The following ETHE1 variants were observed in gnomAD, a reference collection of about 807,000 sequenced individuals.
ETHE1 encodes persulfide dioxygenase ETHE1, mitochondrial.
In ETHE1, 16 loss-of-function variants were observed where a neutral mutation model predicts 25.7. That is an observed-to-expected ratio of 0.62 (90% CI 0.42 to 0.95). ETHE1 has a LOEUF of 0.95. ETHE1 is among the 40% of genes least tolerant of loss of function. The probability of loss-of-function intolerance (pLI) is 0.00; values close to 1 mark genes in which losing one functional copy is unlikely to be tolerated. For missense variants in ETHE1, 300 were observed against 333.6 expected (o/e 0.90, Z 0.79); for synonymous variants, 139 against 135.9 (o/e 1.02, Z -0.16).
At chr19:43,518,999 GT>G (rs71169253) in intron 3 of ETHE1, among the ~76,000 whole-genome samples, 650 of 90,666 alleles carry the variant, frequency 7.2e-3, no homozygotes, top group African/African-American at 0.023. Flanking sequence ...ATTTGTGCTT[GT>G]TTTTTTTTTT....
chr19:43,508,940 G>A, intron 4 of ETHE1, 76 bp from the exon 5 acceptor site: 3 of 1,133,370 alleles, frequency 2.6e-6, no homozygotes, highest in South Asian at 1.3e-5. Context: ...GAAAAGGGTA[G>A]GAGGATAAAA....
At chr19:43,520,825 C>T (rs1167198221) in intron 3 of ETHE1, among the ~76,000 whole-genome samples, 1 of 152,082 alleles carries the variant, frequency 6.6e-6, no homozygotes, top group African/African-American at 2.4e-5. Flanking sequence ...CACACTTGAG[C>T]CACATAAGAA....
At chr19:43,523,603 G>A (rs1458777622) in intron 3 of ETHE1, among the ~76,000 whole-genome samples, 1 of 151,920 alleles carries the variant, frequency 6.6e-6, no homozygotes, top group African/African-American at 2.4e-5. Context: ...TAAAGTAGAA[G>A]GAAAAATAAA....
chr19:43,506,870 C>A lies in ETHE1; in HGVS notation c.745G>T (p.Val249Leu), dbSNP rs766509845. 6.2e-7 allele frequency: 1 copy of A among 1,613,752 alleles called. No individual in the cohort carries two copies. The highest frequency in any genetic ancestry group is 8.5e-7 in the Non-Finnish European group (1 of 1,179,912). ...TGAGATCAGGCAGTGGGTGTCTGCA[C>A]CCCACAGCGCATGTTGGCTGGAACA... Reference protein sequence around the residue: ...FAVPANMRCGVQTPTA With the variant: ...FAVPANMRCGLQTPTA Residue 249 changes from valine (V) to leucine (L), a missense_variant, in exon 7 of 7, where the codon GTG becomes TTG. Coordinates refer to ENST00000292147, the MANE Select transcript of ETHE1 (RefSeq NM_014297.5).
At chr19:43,523,217 C>T (rs1972171094) in intron 3 of ETHE1, among the ~76,000 whole-genome samples, 1 of 152,150 alleles carries the variant, frequency 6.6e-6, no homozygotes, top group Non-Finnish European at 1.5e-5. Flanking sequence ...TACTCATACA[C>T]ATGTATAATA....
chr19:43,517,253 GT>G (rs1972038982), intron 3 of ETHE1, among the ~76,000 whole-genome samples: 2 of 149,718 alleles, frequency 1.3e-5, no homozygotes, highest in African/African-American at 4.9e-5. Context: ...ACAAGGCTTT[GT>G]GTTAGATGAG....
intron 3 of ETHE1, among the ~76,000 whole-genome samples, chr19:43,523,942 A>G (rs1460178463): frequency 6.6e-6 from 1 of 152,082 alleles, no homozygotes; most frequent in African/African-American, 2.4e-5. Context: ...TCAAAAAAAT[A>G]AATAAAAATG....
chr19:43,516,090 C>T (rs1425049113), intron 3 of ETHE1, among the ~76,000 whole-genome samples: 1 of 152,170 alleles, frequency 6.6e-6, no homozygotes, highest in East Asian at 1.9e-4. Context: ...TATCTTCACG[C>T]TATGGTTGAC....
intron 4 of ETHE1, among the ~76,000 whole-genome samples, chr19:43,510,065 G>A (rs1971878610): frequency 1.3e-5 from 2 of 152,188 alleles, no homozygotes; most frequent in African/African-American, 4.8e-5. Context: ...GCCTGGGGAT[G>A]TGGCTTCCAC....
intron 3 of ETHE1, among the ~76,000 whole-genome samples, chr19:43,515,615 C>A (rs1222182397): frequency 6.6e-6 from 1 of 152,020 alleles, no homozygotes; most frequent in Admixed American, 6.6e-5. Flanking sequence ...GGCTCTGTCA[C>A]CCAGACTGGA....
rs1160025390 is a variant in ETHE1 at position 43,520,714 on chromosome 19, A to AT, written c.375+5486dup. On this transcript the variant is annotated intron_variant, in intron 3 of 6. Coordinates refer to ENST00000292147, the MANE Select transcript of ETHE1 (RefSeq NM_014297.5). ...GACCCTGTCTCAAAAAAAAAAAAAA[A>AT]TTTTTTTTCAGCTTTTCTCTATGCT... 2.4e-3 allele frequency among the ~76,000 whole-genome samples: 365 copies of AT among 151,564 alleles called. 1 individual carries two copies. The highest frequency in any genetic ancestry group is 5.7e-3 in the African/African-American group (237 of 41,324).
At chr19:43,525,748 T>A (rs1474306818) in intron 3 of ETHE1, 1 of 239,260 alleles carries the variant, frequency 4.2e-6, no homozygotes, top group African/African-American at 2.3e-5. Flanking sequence ...CCTCCTTAAA[T>A]GTTGCACTCC....
At chr19:43,508,681 G>C in intron 5 of ETHE1, 94 bp downstream of exon 5, 1 of 1,077,326 alleles carries the variant, frequency 9.3e-7, no homozygotes, top group Non-Finnish European at 1.4e-6. Flanking sequence ...AAATTTCTGA[G>C]ACTGGTCGTC....
At chr19:43,521,834 C>G (rs1049486099) in intron 3 of ETHE1, among the ~76,000 whole-genome samples, 12 of 152,156 alleles carry the variant, frequency 7.9e-5, no homozygotes, top group Non-Finnish European at 1.6e-4. Context: ...CCTTAGAATT[C>G]ATGACAATGT....
intron 2 of ETHE1, 38 bp downstream of exon 2, chr19:43,526,477 G>T (rs756729954): frequency 1.6e-5 from 25 of 1,607,130 alleles, no homozygotes; most frequent in Non-Finnish European, 2.0e-5. Flanking sequence ...CTGCAGCCCA[G>T]CCCCGCTGGG....
chr19:43,508,346 CTT>C (rs397933393), intron 5 of ETHE1, among the ~76,000 whole-genome samples: 28 of 124,654 alleles, frequency 2.2e-4, no homozygotes, highest in Non-Finnish European at 2.1e-4. Context: ...CACTTTATCT[CTT>C]TTTTTTTTTT....
intron 3 of ETHE1, among the ~76,000 whole-genome samples, chr19:43,518,627 T>G (rs1429688527): frequency 1.3e-5 from 2 of 151,230 alleles, no homozygotes; most frequent in East Asian, 3.9e-4. Context: ...GGTGGGCGTC[T>G]GTAGTCCCAG....
At position 43,507,998 on chromosome 19, in the gene ETHE1, C is replaced by T. The variant is rs1171132747; in HGVS notation, c.658G>A (p.Glu220Lys). Residue 220 changes from glutamate (E) to lysine (K), a missense_variant, in exon 6 of 7, where the codon GAG (glutamate) becomes AAG (lysine). By Grantham distance (56) the Glu-to-Lys change is moderately conservative (BLOSUM62 1). Transcript: ENST00000292147. Reference sequence around the variant, plus strand: ...TTGCCCATGATTTTGACAAACTCCTCACAGCTGAGGGTGAGCCGAGGGTTC... The same window carrying T: ...TTGCCCATGATTTTGACAAACTCCTTACAGCTGAGGGTGAGCCGAGGGTTC... ...TLNPRLTLSCEEFVKIMGNLN... is the reference protein window; with the variant it reads ...TLNPRLTLSCKEFVKIMGNLN... The T allele has an allele frequency of 6.2e-7, 1 of 1,614,168 alleles. No individual in the cohort carries two copies. Among genetic ancestry groups the T allele is most frequent in the South Asian group, 1.1e-5 (1 of 91,078 alleles).
intron 4 of ETHE1, 127 bp downstream of exon 4, chr19:43,511,310 C>T (rs1399262527): frequency 1.2e-5 from 17 of 1,454,428 alleles, no homozygotes. Context: ...AGGTAAACTC[C>T]TTGAATTTAA....
Sources: gnomAD v4.1 joint callset for allele counts (sites outside exome capture counted in the v4.1 genomes callset) on GRCh38, gnomAD v4.1.1 for gene constraint, MANE v1.5 for transcripts, NCBI Gene and HGNC (gene_info 2026-07-23, HGNC 2026-07-21) for gene names.